Variants in ZCCHC17 observed in about 807,000 individuals in gnomAD.
ZCCHC17 encodes the protein zinc finger CCHC domain-containing protein 17.
A neutral mutation model predicts 30.6 loss-of-function variants in ZCCHC17; 18 were observed. The ratio of observed to expected loss-of-function variants is 0.59; its 90% CI spans 0.41 to 0.87. The LOEUF is 0.87. ZCCHC17 is among the 40% of genes least tolerant of loss of function. ZCCHC17 has a pLI of 0.00. For synonymous variants in ZCCHC17, 88 were observed against 92.4 expected, an observed-to-expected ratio of 0.95 and a Z score of 0.27; for missense variants, 263 against 284.2, an observed-to-expected ratio of 0.93 and a Z score of 0.54.
chr1:31,318,171 G>A, intron 2 of ZCCHC17: 1 of 1,534,298 alleles, frequency 6.5e-7, no homozygotes, highest in Non-Finnish European at 8.7e-7. Flanking sequence ...TTTTAGTTAT[G>A]GTGAAGCTGA....
chr1:31,350,316 A>G (rs1373958579), intron 7 of ZCCHC17, among the ~76,000 whole-genome samples: 2 of 152,308 alleles, frequency 1.3e-5, no homozygotes, highest in East Asian at 3.9e-4. Flanking sequence ...CCTTGCCCTC[A>G]GTGGTTATTA....
At chr1:31,349,555 A>G (rs1639396152) in intron 7 of ZCCHC17, among the ~76,000 whole-genome samples, 1 of 151,706 alleles carries the variant, frequency 6.6e-6, no homozygotes, top group Non-Finnish European at 1.5e-5. Flanking sequence ...CTGATCTCAA[A>G]CTCCTGGCCT....
At chr1:31,323,471 G>A (rs948089420) in intron 3 of ZCCHC17, among the ~76,000 whole-genome samples, 5 of 151,782 alleles carry the variant, frequency 3.3e-5, no homozygotes, top group Non-Finnish European at 7.4e-5. Flanking sequence ...ACAGGCACCC[G>A]CCACCATGCC....
chr1:31,347,195 T>C (rs187985896), intron 6 of ZCCHC17, among the ~76,000 whole-genome samples: 117 of 152,362 alleles, frequency 7.7e-4, no homozygotes, highest in African/African-American at 2.7e-3. Flanking sequence ...TTACAGGATA[T>C]TGAATAAAGA....
intron 7 of ZCCHC17, among the ~76,000 whole-genome samples, chr1:31,355,923 GGTGTGTGAGTGGCAGATTTGGACACTT>G (rs1195836036): frequency 6.6e-6 from 1 of 152,058 alleles, no homozygotes; most frequent in Non-Finnish European, 1.5e-5. Flanking sequence ...TGGCTTTTTT[GGTGTGTGAGTGGCAGATTTGGACACTT>G]GTTTCAGGAC....
intron 6 of ZCCHC17, among the ~76,000 whole-genome samples, chr1:31,347,629 T>C (rs1030816818): frequency 6.6e-6 from 1 of 152,176 alleles, no homozygotes; most frequent in Admixed American, 6.5e-5. Flanking sequence ...GATAGCTTTT[T>C]TTGTTGTTTT....
chr1:31,299,388 C>A (rs1566962), intron 1 of ZCCHC17, among the ~76,000 whole-genome samples: 1 of 152,242 alleles, frequency 6.6e-6, no homozygotes, highest in African/African-American at 2.4e-5. Context: ...GAAAACCTTT[C>A]TGGGTATGGC....
intron 5 of ZCCHC17, among the ~76,000 whole-genome samples, chr1:31,344,521 G>A (rs1557451335): frequency 6.6e-6 from 1 of 152,210 alleles, no homozygotes; most frequent in Non-Finnish European, 1.5e-5. Flanking sequence ...GGGATGGATT[G>A]GAGGAAGAAA....
intron 7 of ZCCHC17, among the ~76,000 whole-genome samples, chr1:31,353,343 G>C (rs1268424876): frequency 6.6e-6 from 1 of 152,040 alleles, no homozygotes; most frequent in African/African-American, 2.4e-5. Flanking sequence ...TCTGTTGATA[G>C]TGTCCCTTTT....
intron 7 of ZCCHC17, among the ~76,000 whole-genome samples, chr1:31,355,729 A>G (rs987264465): frequency 6.6e-6 from 1 of 152,172 alleles, no homozygotes; most frequent in Non-Finnish European, 1.5e-5. Context: ...TCATCAAGTC[A>G]GTTTTTGGTG....
At chr1:31,349,051 A>T in intron 7 of ZCCHC17, 77 bp downstream of exon 7, 4 of 1,479,336 alleles carry the variant, frequency 2.7e-6, no homozygotes, top group Non-Finnish European at 3.6e-6. Flanking sequence ...CTCATGCAGC[A>T]GTACACACCT....
At chr1:31,319,461 G>T (rs1646811389) in intron 3 of ZCCHC17, among the ~76,000 whole-genome samples, 1 of 152,140 alleles carries the variant, frequency 6.6e-6, no homozygotes, top group Non-Finnish European at 1.5e-5. Flanking sequence ...TTAGACACAG[G>T]ATTTGCGGGA....
chr1:31,342,760 T>G (rs1393560827), intron 5 of ZCCHC17, among the ~76,000 whole-genome samples: 1 of 152,210 alleles, frequency 6.6e-6, no homozygotes, highest in Non-Finnish European at 1.5e-5. Flanking sequence ...AGGGACTCCC[T>G]GTTTAAAGAA....
intron 3 of ZCCHC17, among the ~76,000 whole-genome samples, chr1:31,335,041 A>G (rs1638758094): frequency 6.6e-6 from 1 of 152,208 alleles, no homozygotes; most frequent in African/African-American, 2.4e-5. Context: ...CAATCTTGTC[A>G]GGGGCTTCCA....
intron 2 of ZCCHC17, among the ~76,000 whole-genome samples, chr1:31,318,557 C>G (rs1308450779): frequency 6.6e-6 from 1 of 152,030 alleles, no homozygotes; most frequent in Non-Finnish European, 1.5e-5. Context: ...GGCTTTTTAT[C>G]TAGTTGTCTT....
At chr1:31,317,024 C>CTTTTTT (rs1196920105) in intron 2 of ZCCHC17, among the ~76,000 whole-genome samples, 2 of 126,554 alleles carry the variant, frequency 1.6e-5, no homozygotes, top group East Asian at 2.3e-4. Context: ...AACTTTTTTT[C>CTTTTTT]TTTTTTTTTT....
chr1:31,339,161 T>C, intron 5 of ZCCHC17, 113 bp downstream of exon 5: 1 of 754,864 alleles, frequency 1.3e-6, no homozygotes, highest in Non-Finnish European at 2.1e-6. Context: ...GTGATATTGA[T>C]AAGTTACGTA....
chr1:31,305,836 G>A (rs1646440956), intron 1 of ZCCHC17, among the ~76,000 whole-genome samples: 1 of 152,140 alleles, frequency 6.6e-6, no homozygotes, highest in African/African-American at 2.4e-5. Flanking sequence ...TTGAAAAAAA[G>A]TTTTATATTC....
chr1:31,299,112 T>G (rs749112934), intron 1 of ZCCHC17, among the ~76,000 whole-genome samples: 1 of 152,102 alleles, frequency 6.6e-6, no homozygotes, highest in Non-Finnish European at 1.5e-5. Flanking sequence ...GAGGCAAGGA[T>G]TTGGACAAGA....
Sources: allele counts gnomAD v4.1 joint callset (sites outside exome capture counted in the v4.1 genomes callset), GRCh38; gene constraint gnomAD v4.1.1; transcripts MANE v1.5; gene names NCBI Gene and HGNC (gene_info 2026-07-23, HGNC 2026-07-21).